KCNK3: variants seen among roughly 807,000 people sequenced by gnomAD.
KCNK3 encodes the protein potassium two pore domain channel subfamily K member 3.
A neutral mutation model predicts 27.3 loss-of-function variants in KCNK3; 9 were observed. The ratio of observed to expected loss-of-function variants is 0.33; its 90% CI spans 0.20 to 0.57. KCNK3 has a LOEUF of 0.57. KCNK3 is among the 20% of genes least tolerant of loss of function. The pLI, the probability that KCNK3 is intolerant of heterozygous loss-of-function variation, is 0.87. For missense variants in KCNK3, 391 were observed against 577.7 expected (o/e 0.68, Z 3.31); for synonymous variants, 278 against 273.8 (o/e 1.02, Z -0.15).
In KCNK3 at chr2:26,721,490, TCCCA is replaced by T. The variant is rs1255737956; in HGVS notation, c.284-6175_284-6172del. On this transcript the variant is annotated intron_variant, in intron 1 of 1. Transcript: ENST00000302909. The surrounding 1 kb of genome is among the most constrained non-coding windows in gnomAD (Gnocchi z 4.3). ...AATTAGGCTCCCTCAGAGCCTGCAG[TCCCA>T]CTTCCTGGTTCCACACTGCTGCCAT... 3.3e-5 allele frequency among the ~76,000 whole-genome samples: 5 copies of T among 152,136 alleles called. No homozygotes were observed. Among genetic ancestry groups the T allele is most frequent in the Non-Finnish European group, 7.4e-5 (5 of 68,022 alleles).
chr2:26,714,084 A>AT (rs1160375623), intron 1 of KCNK3, among the ~76,000 whole-genome samples: 1 of 152,118 alleles, frequency 6.6e-6, no homozygotes, highest in East Asian at 1.9e-4. Flanking sequence ...CTTGAAAAAA[A>AT]AAAAAGAAAA....
chr2:26,698,155 T>C (rs1391655336), intron 1 of KCNK3, among the ~76,000 whole-genome samples: 3 of 152,010 alleles, frequency 2.0e-5, no homozygotes, highest in Admixed American at 1.3e-4. Flanking sequence ...CTCTGGCAGC[T>C]CATCACTCCA....
Position 26,728,274 on chromosome 2 carries a change from C to T in KCNK3, c.891C>T (p.Arg297=). 1 of 1,592,338 alleles carries T rather than the reference C, an allele frequency of 6.3e-7. No homozygotes were observed. The highest frequency in any genetic ancestry group is 8.6e-7 in the Non-Finnish European group (1 of 1,169,588). The stretch of plus-strand genomic sequence containing the variant: ...CGGCAGCGGGCGGCGGCGGCTTCCG[C>T]AACGTCTACGCGGAGGTGCTGCACT... ...STAAAGGGGF[R]NVYAEVLHFQ... Residue 297 remains arginine, a synonymous_variant, in exon 2 of 2, where the codon CGC becomes CGT. Transcript: ENST00000302909.
chr2:26,697,478 C>T (rs1167502206), intron 1 of KCNK3, among the ~76,000 whole-genome samples: 2 of 152,222 alleles, frequency 1.3e-5, no homozygotes, highest in Non-Finnish European at 2.9e-5. Flanking sequence ...GCACTCCAGC[C>T]TAGGGCACCT....
intron 1 of KCNK3, among the ~76,000 whole-genome samples, chr2:26,699,207 G>GAAAGAAAGAAAGAAAGAA (rs71399402): frequency 7.6e-6 from 1 of 130,966 alleles, no homozygotes; most frequent in East Asian, 2.3e-4. Context: ...AGGAAAGAGA[G>GAAAGAAAGAAAGAAAGAA]AGAAAGAAAG....
chr2:26,726,082 TACACACAC>T (rs147849352), intron 1 of KCNK3, among the ~76,000 whole-genome samples: 1 of 139,858 alleles, frequency 7.2e-6, no homozygotes, highest in African/African-American at 2.7e-5. Context: ...AAATCATGCA[TACACACAC>T]ACACACACAC....
At chr2:26,697,506 T>C (rs929467516) in intron 1 of KCNK3, among the ~76,000 whole-genome samples, 7 of 152,146 alleles carry the variant, frequency 4.6e-5, no homozygotes, top group Admixed American at 4.6e-4. Context: ...AAGGCTTGCC[T>C]TTTCCCCAGC....
At chr2:26,707,453 C>T (rs1670389548) in intron 1 of KCNK3, among the ~76,000 whole-genome samples, 1 of 152,238 alleles carries the variant, frequency 6.6e-6, no homozygotes, top group South Asian at 2.1e-4. Context: ...TCCAAGGCTG[C>T]CAGGGTACCG....
At chr2:26,703,693 G>A (rs1670336264) in intron 1 of KCNK3, among the ~76,000 whole-genome samples, 1 of 152,202 alleles carries the variant, frequency 6.6e-6, no homozygotes, top group Non-Finnish European at 1.5e-5. Context: ...CTAAGACCTA[G>A]AGCCTTCCCC....
chr2:26,699,479 CAT>C (rs1321526329), intron 1 of KCNK3, among the ~76,000 whole-genome samples: 1 of 152,198 alleles, frequency 6.6e-6, no homozygotes, highest in Non-Finnish European at 1.5e-5. Flanking sequence ...TCAAAGCAAA[CAT>C]AAACAAGCAC....
At chr2:26,719,816 T>G (rs1182271202) in intron 1 of KCNK3, among the ~76,000 whole-genome samples, 1 of 152,320 alleles carries the variant, frequency 6.6e-6, no homozygotes, top group East Asian at 1.9e-4. Context: ...CTCCTTGGCC[T>G]ATCAGAACAG....
In KCNK3 at chr2:26,728,166, C is replaced by A; in HGVS notation, c.783C>A (p.Arg261=). 1 of 1,576,226 alleles carries A rather than the reference C, an allele frequency of 6.3e-7. No individual in the cohort carries two copies. Residue 261 remains arginine (R), a synonymous_variant, in exon 2 of 2, where the codon CGC becomes CGA. Transcript: ENST00000302909. ...AEDEKRDAEH[R]ALLTRNGQAG... is the part of the protein sequence containing the mutation. ...ACGAGAAGCGCGACGCCGAGCACCG[C>A]GCGCTGCTCACGCGCAACGGGCAGG...
rs528661453 is a variant in KCNK3, at chr2:26,692,974, C to G, written c.99C>G (p.Pro33=). The change falls in exon 1 of 2, where the codon CCC becomes CCG. Residue 33 remains proline (P), a synonymous_variant. Coordinates refer to ENST00000302909, the MANE Select transcript of KCNK3 (RefSeq NM_002246.3). This position sits in a 1 kb window ranked among gnomAD's most constrained non-coding sequence, Gnocchi z 5.6. ...AAVFDALESE[P]ELIERQRLEL... ...TCTTCGACGCGCTGGAGTCGGAGCC[C>G]GAGCTGATCGAGCGGCAGCGGCTGG... 1.0e-5 allele frequency: 16 copies of G among 1,569,814 alleles called. No homozygotes were observed. In the South Asian group the frequency reaches 1.2e-4, roughly 11 times the overall value.
rs1663572662 is a variant in KCNK3, at chr2:26,733,270, A to G, written c.*4702A>G. On this transcript the variant is annotated 3_prime_UTR_variant, in exon 2 of 2. Coordinates refer to ENST00000302909, the MANE Select transcript of KCNK3 (RefSeq NM_002246.3). ...AGAGAGAAAGAGGGATGTAACGACA[A>G]TTCTTTTCAAAACGTGTCCCATGGT... 1 of 152,220 alleles carries G rather than the reference A, an allele frequency of 6.6e-6. No individual in the cohort carries two copies. The highest frequency in any genetic ancestry group is 1.5e-5 in the Non-Finnish European group (1 of 68,038). The allele number at this position is 152,220 out of a possible 1,614,324, so 9.4% of individuals were successfully genotyped here.
chr2:26,712,666 AGTGTGTGTGTGT>A (rs4007222), intron 1 of KCNK3, among the ~76,000 whole-genome samples: 3 of 145,586 alleles, frequency 2.1e-5, no homozygotes, highest in Non-Finnish European at 4.5e-5. Context: ...TGGGTGTTGG[AGTGTGTGTGTGT>A]GTGTGTGTGT....
intron 1 of KCNK3, among the ~76,000 whole-genome samples, chr2:26,725,122 G>A (rs1047513494): frequency 2.0e-5 from 3 of 152,144 alleles, no homozygotes; most frequent in African/African-American, 4.8e-5. Context: ...CAAGGGAGCA[G>A]TGGTGGCAGA....
rs776045749 is a variant in KCNK3 at position 26,693,022 on chromosome 2, G to A, written c.147G>A (p.Arg49=). The change falls in exon 1 of 2, where the codon CGG becomes CGA. Residue 49 remains arginine (R), a synonymous_variant. Transcript: ENST00000302909. This position sits in a 1 kb window ranked among gnomAD's most constrained non-coding sequence, Gnocchi z 5.5. ...TGGAGCTGCGGCAGCAGGAGCTGCG[G>A]GCGCGCTACAACCTCAGCCAGGGCG... ...QRLELRQQEL[R]ARYNLSQGGY... 3.8e-6 allele frequency: 6 copies of A among 1,586,152 alleles called. No homozygotes were observed. In the Admixed American group the frequency reaches 7.0e-5, roughly 18 times the overall value.
Position 26,728,529 on chromosome 2 carries a change from C to G in KCNK3, c.1146C>G (p.Ser382=). 1 of 1,477,932 alleles carries G rather than the reference C, an allele frequency of 6.8e-7. No homozygotes were observed. The highest frequency in any genetic ancestry group is 9.0e-7 in the Non-Finnish European group (1 of 1,113,146). The allele number at this position is 1,477,932 out of a possible 1,614,324, so 91.6% of individuals were successfully genotyped here. A position where few individuals can be genotyped will look rare whatever the true frequency, so the allele number is the denominator to read the frequency against. The part of the protein sequence containing the change: ...SSVSTGLHSL[S]TFRGLMKRRS... ...TGTCCACGGGTCTGCACAGCCTGTC[C>G]ACCTTCCGCGGCCTCATGAAGCGCA... The change falls in exon 2 of 2, where the codon TCC becomes TCG. Residue 382 remains serine (S), a synonymous_variant. Transcript: ENST00000302909.
At chr2:26,715,299 A>G (rs890910844) in intron 1 of KCNK3, among the ~76,000 whole-genome samples, 1 of 152,254 alleles carries the variant, frequency 6.6e-6, no homozygotes, top group Admixed American at 6.5e-5. Context: ...TACAGTGTAC[A>G]GCGTCTGGAA....
Sources: gnomAD v4.1 joint callset for allele counts (sites outside exome capture counted in the v4.1 genomes callset) on GRCh38, gnomAD v4.1.1 for gene constraint, Gnocchi (gnomAD v3.1) non-coding constraint, MANE v1.5 for transcripts, NCBI Gene and HGNC (gene_info 2026-07-23, HGNC 2026-07-21) for gene names.